The following TOP2B variants were observed in gnomAD, a reference collection of about 807,000 sequenced individuals.
TOP2B encodes DNA topoisomerase II beta.
TOP2B carries 51 observed loss-of-function variants against 193.5 expected under a neutral mutation model. The ratio of observed to expected loss-of-function variants is 0.26; its 90% confidence interval spans 0.21 to 0.33. The LOEUF is 0.33. Among genes scored for constraint, TOP2B ranks in the 10% least tolerant of loss-of-function variants. The pLI is 1.00. For synonymous variants in TOP2B, 634 were observed against 635.7 expected (o/e 1.00, Z 0.04); for missense variants, 1,378 against 1,909.3 (o/e 0.72, Z 5.19).
At chr3:25,649,594 T>C (rs1202179912) in intron 1 of TOP2B, among the ~76,000 whole-genome samples, 1 of 144,330 alleles carries the variant, frequency 6.9e-6, no homozygotes, top group Non-Finnish European at 1.5e-5. Context: ...GAAGAATATA[T>C]CTGAAGTACT....
intron 1 of TOP2B, among the ~76,000 whole-genome samples, chr3:25,662,833 T>TA (rs1703956422): frequency 6.6e-6 from 1 of 152,226 alleles, no homozygotes; most frequent in Non-Finnish European, 1.5e-5. Context: ...AATGAGAACT[T>TA]ACAATACCAT....
chr3:25,627,488 C>T (rs1337554471), intron 15 of TOP2B, among the ~76,000 whole-genome samples, 192 bp from the exon 16 acceptor site: 1 of 152,104 alleles, frequency 6.6e-6, no homozygotes, highest in Non-Finnish European at 1.5e-5. Flanking sequence ...ACAACGCTAC[C>T]TATGAAATGT....
At chr3:25,615,156 T>C (rs1702472046) in intron 27 of TOP2B, 49 bp downstream of exon 27, 1 of 1,501,710 alleles carries the variant, frequency 6.7e-7, no homozygotes. Context: ...TTCATTCTTG[T>C]TCATAAACAT....
intron 1 of TOP2B, among the ~76,000 whole-genome samples, chr3:25,654,639 A>C (rs941437104): frequency 3.3e-5 from 5 of 152,210 alleles, no homozygotes; most frequent in African/African-American, 7.2e-5. Flanking sequence ...GTCTTTAATC[A>C]GAAGAATAAA....
chr3:25,609,834 G>A, intron 28 of TOP2B, 122 bp from the exon 29 acceptor site: 1 of 973,628 alleles, frequency 1.0e-6, no homozygotes, highest in Non-Finnish European at 1.4e-6. Context: ...TGATTCTGAT[G>A]AGGTCCTAAC....
At chr3:25,653,069 A>G (rs1703638978) in intron 1 of TOP2B, among the ~76,000 whole-genome samples, 1 of 152,172 alleles carries the variant, frequency 6.6e-6, no homozygotes, top group African/African-American at 2.4e-5. Context: ...CAAACATATA[A>G]TCTACCAAGA....
intron 20 of TOP2B, 39 bp downstream of exon 20, chr3:25,624,258 C>T: frequency 1.2e-6 from 2 of 1,606,270 alleles, no homozygotes; most frequent in Non-Finnish European, 1.7e-6. Flanking sequence ...GGTTCCAAAT[C>T]AAATCAAACT....
intron 1 of TOP2B, among the ~76,000 whole-genome samples, chr3:25,662,031 C>T (rs1703929877): frequency 6.6e-6 from 1 of 152,178 alleles, no homozygotes; most frequent in Non-Finnish European, 1.5e-5. Context: ...AATTAATTTG[C>T]TTTTACCCCA....
At chr3:25,600,652 A>C (rs1702068036) in intron 34 of TOP2B, among the ~76,000 whole-genome samples, 1 of 152,230 alleles carries the variant, frequency 6.6e-6, no homozygotes, top group Non-Finnish European at 1.5e-5. Flanking sequence ...TCTGGAGTTA[A>C]AGAGGGGATG....
chr3:25,602,417 A>AAAAAAAAAAAAAAAAG (rs1702123776), intron 33 of TOP2B, among the ~76,000 whole-genome samples: 11 of 69,824 alleles, frequency 1.6e-4, no homozygotes, highest in African/African-American at 7.0e-4. Flanking sequence ...AAAGAAAAAG[A>AAAAAAAAAAAAAAAAG]AAAAAAAAAA....
At position 25,623,662 on chromosome 3, in the gene TOP2B, C is replaced by A; in HGVS notation, c.2580G>T (p.Glu860Asp). ...CCATGGGAATTATAGGAATATACCA[C>A]TCAGGCTCTACACGTTGATTATCAT... ...LYDDNQRVEP[E>D]WYIPIIPMVL... Residue 860 changes from glutamate (E) to aspartate (D), a missense_variant, in exon 21 of 36, where the codon GAG becomes GAT. This residue lies in a region of TOP2B where 379 missense variants were observed against 615.1 expected (regional missense o/e 0.62). Transcript: ENST00000264331. 3.7e-6 allele frequency: 6 copies of A among 1,613,498 alleles called. No homozygotes were observed. The highest frequency in any genetic ancestry group is 5.1e-6 in the Non-Finnish European group (6 of 1,179,714).
rs758109912 is a variant in TOP2B, at chr3:25,598,508, A to T, written c.4711-31T>A. On this transcript the variant is annotated intron_variant, in intron 35 of 35. Coordinates refer to ENST00000264331, the MANE Select transcript of TOP2B (RefSeq NM_001330700.2). The stretch of plus-strand genomic sequence containing the variant: ...TTTTTTTTCAATAGATTTAAAAGTT[A>T]TGAAAGGAAGTAAAGACTAGTATTA... 29 of 1,521,850 alleles carry T rather than the reference A, an allele frequency of 1.9e-5. No individual in the cohort carries two copies. In the South Asian group the frequency reaches 3.1e-4, roughly 16 times the overall value. The allele number at this position is 1,521,850 out of a possible 1,614,324, so 94.3% of individuals were successfully genotyped here.
rs1172324114 is a variant in TOP2B at position 25,623,543 on chromosome 3, A to G, written c.2699T>C (p.Met900Thr). ...AREIVNNVRRMLDGLDPHPML... is the reference protein window; with the variant it reads ...AREIVNNVRRTLDGLDPHPML... ...GGGATGAGGATCCAGGCCATCTAGC[A>G]TTCGTCTGACATTGTTCACAATTTC... Residue 900 changes from methionine to threonine, a missense_variant, in exon 21 of 36, where the codon ATG becomes ACG. Coordinates refer to ENST00000264331, the MANE Select transcript of TOP2B (RefSeq NM_001330700.2). 1.9e-6 allele frequency: 3 copies of G among 1,613,852 alleles called. No individual in the cohort carries two copies. Among genetic ancestry groups the G allele is most frequent in the Non-Finnish European group, 2.5e-6 (3 of 1,179,878 alleles).
In TOP2B at chr3:25,609,598, G is replaced by T. The variant is rs776811297; in HGVS notation, c.3901C>A (p.Pro1301Thr). The change falls in exon 29 of 36, where the codon CCC becomes ACC. Residue 1301 changes from proline (P) to threonine (T), a missense_variant. Transcript: ENST00000264331. Reference sequence around the variant, plus strand: ...TCCTTCTTCTCCCTCTTAGGTTTGGGACCTTTATTTATAGGAACTGATGGA... The same window carrying T: ...TCCTTCTTCTCCCTCTTAGGTTTGGTACCTTTATTTATAGGAACTGATGGA... ...LTPSVPINKGPKPKREKKEPG... is the reference protein window; with the variant it reads ...LTPSVPINKGTKPKREKKEPG... 5.6e-6 allele frequency: 9 copies of T among 1,603,526 alleles called. No individual in the cohort carries two copies. The highest frequency in any genetic ancestry group is 7.7e-6 in the Non-Finnish European group (9 of 1,174,764).
At chr3:25,626,072 GT>G (rs1285924101) in intron 18 of TOP2B, among the ~76,000 whole-genome samples, 4 of 151,908 alleles carry the variant, frequency 2.6e-5, no homozygotes, top group Admixed American at 6.6e-5. Flanking sequence ...AAAAAAAAAA[GT>G]TCTAGATAGA....
At position 25,626,825 on chromosome 3, in the gene TOP2B, A is replaced by G. The variant is rs370951562; in HGVS notation, c.2056T>C (p.Leu686=). The change falls in exon 17 of 36, where the codon TTA becomes CTA. Residue 686 remains leucine (L), a synonymous_variant. Coordinates refer to ENST00000264331, the MANE Select transcript of TOP2B (RefSeq NM_001330700.2). ...KKKIDDRKEW[L]TNFMEDRRQR... is the part of the protein sequence containing the mutation. Reference sequence around the variant, plus strand: ...CTCCGGTCTTCCATAAAATTTGTTAACCATTCTTTTCTGTCATCAATCTTC... The same window carrying G: ...CTCCGGTCTTCCATAAAATTTGTTAGCCATTCTTTTCTGTCATCAATCTTC... The G allele has an allele frequency of 1.2e-6, 2 of 1,606,220 alleles. No homozygotes were observed. The highest frequency in any genetic ancestry group is 2.7e-5 in the African/African-American group (2 of 74,858).
At chr3:25,624,112 A>G (rs1702734463) in intron 20 of TOP2B, among the ~76,000 whole-genome samples, 185 bp downstream of exon 20, 1 of 152,216 alleles carries the variant, frequency 6.6e-6, no homozygotes, top group Admixed American at 6.5e-5. Flanking sequence ...GATTTCACCA[A>G]CAATTCATAA....
intron 18 of TOP2B, chr3:25,625,041 G>C (rs370140978): frequency 3.9e-5 from 12 of 307,900 alleles, no homozygotes; most frequent in East Asian, 3.9e-4. Context: ...CTCCAAAAGT[G>C]AACTGCCAAT....
intron 35 of TOP2B, among the ~76,000 whole-genome samples, chr3:25,598,897 A>C (rs1379444153): frequency 2.0e-5 from 3 of 152,210 alleles, no homozygotes; most frequent in African/African-American, 7.2e-5. Context: ...AATGCAAAGC[A>C]TCACCGAGGT....
Sources: allele counts gnomAD v4.1 joint callset (sites outside exome capture counted in the v4.1 genomes callset), GRCh38; gene constraint gnomAD v4.1.1; regional missense constraint gnomAD v4.1.1; transcripts MANE v1.5; gene names NCBI Gene and HGNC (gene_info 2026-07-23, HGNC 2026-07-21).